The following USP43 variants were observed in gnomAD, a reference collection of about 807,000 sequenced individuals.
USP43 encodes the protein ubiquitin carboxyl-terminal hydrolase 43.
USP43 carries 33 observed loss-of-function variants against 90.7 expected under a neutral mutation model. The observed-to-expected ratio is 0.36, with a 90% CI of 0.28 to 0.49. USP43 has a LOEUF of 0.49. Among genes scored for constraint, USP43 ranks in the 20% least tolerant of loss-of-function variants. The pLI, the probability that USP43 is intolerant of heterozygous loss-of-function variation, is 0.98. For synonymous variants in USP43, 598 were observed against 615.8 expected, an observed-to-expected ratio of 0.97 and a Z score of 0.43; for missense variants, 1,274 against 1,476.4, an observed-to-expected ratio of 0.86 and a Z score of 2.25.
chr17:9,672,575 C>A (rs763160943), intron 3 of USP43, among the ~76,000 whole-genome samples: 1 of 152,142 alleles, frequency 6.6e-6, no homozygotes, highest in Non-Finnish European at 1.5e-5. Context: ...ATCCTTCAGG[C>A]CAATTTTTTG....
In USP43 at chr17:9,728,098, G is replaced by A. The variant is rs562739149; in HGVS notation, c.2480G>A (p.Gly827Asp). 4 of 1,613,972 alleles carry A rather than the reference G, an allele frequency of 2.5e-6. No individual in the cohort carries two copies. The highest frequency in any genetic ancestry group is 4.5e-5 in the East Asian group (2 of 44,856). Residue 827 changes from glycine (G) to aspartate (D), a missense_variant, in exon 15 of 15, where the codon GGT (glycine) becomes GAT (aspartate). Physicochemically the swap from Gly to Asp is moderately conservative, Grantham distance 94. Coordinates refer to ENST00000285199, the MANE Select transcript of USP43 (RefSeq NM_153210.5). This position sits in a 1 kb window ranked among gnomAD's most constrained non-coding sequence, Gnocchi z 6.2. ...WSFGSKEKPP[G>D]ASVELVEYLE... ...TTTGGATCCAAGGAGAAACCACCAG[G>A]TGCCTCCGTCGAGTTGGTGGAGTAC...
In USP43 at chr17:9,672,261, G is replaced by C. The variant is rs572842141; in HGVS notation, c.741-2630G>C. Reference sequence around the variant, plus strand: ...ATTGCCCACCTCGGCCTCCCGAAATGCTGGAATTACAGGCGTGAACCACTG... The same window carrying C: ...ATTGCCCACCTCGGCCTCCCGAAATCCTGGAATTACAGGCGTGAACCACTG... On this transcript the variant is annotated intron_variant, in intron 3 of 14. Transcript: ENST00000285199. Among the ~76,000 whole-genome samples, 7 of 152,298 alleles carry C rather than the reference G, an allele frequency of 4.6e-5. No individual in the cohort carries two copies. In the East Asian group the frequency reaches 1.4e-3, roughly 29 times the overall value.
intron 3 of USP43, among the ~76,000 whole-genome samples, chr17:9,672,311 T>C (rs1913490259): frequency 6.6e-6 from 1 of 152,202 alleles, no homozygotes; most frequent in Non-Finnish European, 1.5e-5. Context: ...TTTCATTCTT[T>C]CAATATAAAA....
chr17:9,685,318 A>G (rs1027043223), intron 7 of USP43, among the ~76,000 whole-genome samples: 1 of 152,220 alleles, frequency 6.6e-6, no homozygotes, highest in Admixed American at 6.5e-5. Context: ...TAGGGCCCAT[A>G]GGCGCAGGCT....
At position 9,682,904 on chromosome 17, in the gene USP43, G is replaced by A. The variant is rs201754956; in HGVS notation, c.1187G>A (p.Ser396Asn). 275 of 1,614,072 alleles carry A rather than the reference G, an allele frequency of 1.7e-4. No homozygotes were observed. The East Asian group carries it at 6.0e-3, about 35-fold the overall frequency. Residue 396 changes from serine to asparagine, a missense_variant, in exon 7 of 15, where the codon AGC (serine) becomes AAC (asparagine). Transcript: ENST00000285199. ...TTCTCCCTCTCTCTCCACAGTGAGAGCAAGGTGCTAATCCTCTTCTGTAAC... is the reference window on the plus strand; with the variant it reads ...TTCTCCCTCTCTCTCCACAGTGAGAACAAGGTGCTAATCCTCTTCTGTAAC... ...QRFSLSLHSE[S>N]KVLILFCNLV...
Position 9,701,606 on chromosome 17 carries a change from G to A in USP43, c.1917G>A (p.Pro639=), listed in dbSNP as rs763286369. The A allele has an allele frequency of 5.7e-6, 9 of 1,582,672 alleles. No individual in the cohort carries two copies. Among genetic ancestry groups the A allele is most frequent in the South Asian group, 3.5e-5 (3 of 86,154 alleles). ...GLGPWPSWKQ[P]DCLPTSYPLD... is the part of the protein sequence containing the mutation. ...GCCCCTGGCCTTCCTGGAAGCAGCC[G>A]GACTGCCTGCCCACCAGTTACCCGC... Residue 639 remains proline (P), a synonymous_variant, in exon 12 of 15, where the codon CCG becomes CCA. Transcript: ENST00000285199. The surrounding 1 kb of genome is among the most constrained non-coding windows in gnomAD (Gnocchi z 7.2).
In USP43 at chr17:9,728,565, C is replaced by T. The variant is rs758577047; in HGVS notation, c.2947C>T (p.Arg983Ter). 4.3e-6 allele frequency: 7 copies of T among 1,614,012 alleles called. No individual in the cohort carries two copies. The highest frequency in any genetic ancestry group is 5.9e-6 in the Non-Finnish European group (7 of 1,179,902). Residue 983 changes from arginine (R) to a stop codon, truncating the protein, a stop_gained, in exon 15 of 15, where the codon CGA becomes TGA. Transcript: ENST00000285199. LOFTEE classifies it low-confidence loss of function (END_TRUNC). The surrounding 1 kb of genome is among the most constrained non-coding windows in gnomAD (Gnocchi z 6.2). ...GFSGNSKDSR[R>*]GTSELDRPLQ... ...CTCTGGAAACAGCAAAGACAGTCGC[C>T]GAGGCACCTCTGAGCTAGACAGACC...
intron 1 of USP43, among the ~76,000 whole-genome samples, chr17:9,652,247 A>G (rs1012549920): frequency 1.3e-5 from 2 of 151,612 alleles, no homozygotes; most frequent in Non-Finnish European, 2.9e-5. Flanking sequence ...AAAGAAAGGA[A>G]AAAAAAGATG....
chr17:9,656,543 C>G lies in USP43; in HGVS notation c.636+9C>G, dbSNP rs977709377. ...GGCCGGTGTCGGAGAAGGTCGGTCA[C>G]TCTCAAAACAACACAATGTACTGGG... On this transcript the variant is annotated intron_variant, in intron 2 of 14. Coordinates refer to ENST00000285199, the MANE Select transcript of USP43 (RefSeq NM_153210.5). 6.2e-7 allele frequency: 1 copy of G among 1,608,666 alleles called. No homozygotes were observed. The highest frequency in any genetic ancestry group is 8.5e-7 in the Non-Finnish European group (1 of 1,177,740).
chr17:9,650,774 C>T (rs1056585088), intron 1 of USP43, among the ~76,000 whole-genome samples: 2 of 152,154 alleles, frequency 1.3e-5, no homozygotes, highest in Non-Finnish European at 2.9e-5. Flanking sequence ...TAACTGTAAT[C>T]ACCAGGCTGT....
intron 5 of USP43, among the ~76,000 whole-genome samples, chr17:9,678,825 C>T (rs1381062940): frequency 1.3e-5 from 2 of 151,426 alleles, no homozygotes; most frequent in African/African-American, 4.9e-5. Context: ...GAAGTACATC[C>T]AGAAGATGTA....
intron 1 of USP43, among the ~76,000 whole-genome samples, chr17:9,651,854 A>C (rs957053606): frequency 3.9e-5 from 6 of 152,222 alleles, no homozygotes; most frequent in Admixed American, 3.9e-4. Flanking sequence ...GAAAATTGCT[A>C]AAATATGCTA....
Position 9,686,167 on chromosome 17 carries a change from C to T in USP43, c.1242-631C>T, listed in dbSNP as rs543076360. On this transcript the variant is annotated intron_variant, in intron 7 of 14. Coordinates refer to ENST00000285199, the MANE Select transcript of USP43 (RefSeq NM_153210.5). The surrounding 1 kb of genome is among the most constrained non-coding windows in gnomAD (Gnocchi z 5.5). ...TCTTTTTTATGGGTGCATAGTATTC[C>T]GTTGTGTATATAGACCACATTTTCT... Among the ~76,000 whole-genome samples the T allele has an allele frequency of 7.9e-4, 120 of 152,252 alleles. No homozygotes were observed. Among genetic ancestry groups the T allele is most frequent in the Non-Finnish European group, 7.9e-4 (54 of 68,018 alleles).
At chr17:9,652,713 TA>T (rs1248216117) in intron 1 of USP43, among the ~76,000 whole-genome samples, 3 of 151,310 alleles carry the variant, frequency 2.0e-5, no homozygotes, top group Admixed American at 1.3e-4. Flanking sequence ...AATAGGTTAT[TA>T]AAAAAAAATT....
At chr17:9,715,879 GTGTGTGTCTC>G (rs1467642164) in intron 14 of USP43, among the ~76,000 whole-genome samples, 2 of 151,432 alleles carry the variant, frequency 1.3e-5, no homozygotes, top group Non-Finnish European at 2.9e-5. Flanking sequence ...GTGTATCTGT[GTGTGTGTCTC>G]TGTGTGTCTA....
chr17:9,691,007 C>T (rs974026183), intron 8 of USP43, among the ~76,000 whole-genome samples: 1 of 152,152 alleles, frequency 6.6e-6, no homozygotes, highest in Non-Finnish European at 1.5e-5. Context: ...CCTTATATAA[C>T]TAGAATAATA....
chr17:9,648,309 T>C (rs997600102), intron 1 of USP43, among the ~76,000 whole-genome samples: 2 of 152,212 alleles, frequency 1.3e-5, no homozygotes, highest in Non-Finnish European at 2.9e-5. Context: ...CTTCTTATTT[T>C]ACAGATGGGG....
chr17:9,662,249 G>C (rs1912692843), intron 2 of USP43, among the ~76,000 whole-genome samples: 2 of 152,096 alleles, frequency 1.3e-5, no homozygotes, highest in South Asian at 4.1e-4. Context: ...CAAAACAGGG[G>C]TTGCTACTAC....
At chr17:9,700,038 T>C in intron 9 of USP43, 134 bp from the exon 10 acceptor site, 1 of 839,108 alleles carries the variant, frequency 1.2e-6, no homozygotes. Context: ...ATAGCTGACC[T>C]TGGCTTACTG....
Sources: gnomAD v4.1 joint callset for allele counts (sites outside exome capture counted in the v4.1 genomes callset) on GRCh38, gnomAD v4.1.1 for gene constraint, Gnocchi (gnomAD v3.1) non-coding constraint, MANE v1.5 for transcripts, NCBI Gene and HGNC (gene_info 2026-07-23, HGNC 2026-07-21) for gene names.